Variants in IL1R2 observed in about 807,000 individuals in gnomAD.
The protein encoded by IL1R2 is interleukin 1 receptor type 2.
Under a neutral mutation model 39.5 loss-of-function variants are expected in IL1R2, and 46 were observed. The observed-to-expected ratio is 1.16, with a 90% CI of 0.92 to 1.49. The LOEUF is 1.49. Ranked by LOEUF, IL1R2 falls within the 40% of genes most tolerant of loss-of-function variation. The probability of loss-of-function intolerance (pLI) is 0.00; values close to 1 mark genes in which losing one functional copy is unlikely to be tolerated. For synonymous variants in IL1R2, 207 were observed against 189.6 expected (o/e 1.09, Z -0.75); for missense variants, 537 against 502.0 (o/e 1.07, Z -0.67).
At chr2:101,995,985 A>G (rs1675567317) in intron 1 of IL1R2, among the ~76,000 whole-genome samples, 1 of 152,200 alleles carries the variant, frequency 6.6e-6, no homozygotes, top group African/African-American at 2.4e-5. Context: ...CCGTGCTGGC[A>G]GCATGGATGA....
At chr2:102,025,886 G>A (rs935947928) in intron 7 of IL1R2, among the ~76,000 whole-genome samples, 2 of 152,090 alleles carry the variant, frequency 1.3e-5, no homozygotes, top group Non-Finnish European at 2.9e-5. Context: ...ACTGTTTGAT[G>A]CCAGTGACCG....
In IL1R2 at chr2:102,002,463, C is replaced by CTGTGTCTGTGTCTG. The variant is rs1559412539; in HGVS notation, c.-61-6049_-61-6048insGTCTGTGTCTGTGT. Among the ~76,000 whole-genome samples, 469 of 143,150 alleles carry CTGTGTCTGTGTCTG rather than the reference C, an allele frequency of 3.3e-3. 5 individuals carry two copies. The highest frequency in any genetic ancestry group is 0.012 in the African/African-American group (451 of 38,498). The allele number at this position is 143,150 out of a possible 152,430, so 93.9% of individuals were successfully genotyped here. A position where few individuals can be genotyped will look rare whatever the true frequency, so the allele number is the denominator to read the frequency against. The stretch of plus-strand genomic sequence containing the variant: ...CCTATCTGTGTCTGTGTCTATGTCT[C>CTGTGTCTGTGTCTG]TGTCTGTGTCTGTGTCTGTGTCTGT... On this transcript the variant is annotated intron_variant, in intron 1 of 8. Transcript: ENST00000332549.
At chr2:102,001,482 G>A (rs1029006915) in intron 1 of IL1R2, among the ~76,000 whole-genome samples, 2 of 152,188 alleles carry the variant, frequency 1.3e-5, no homozygotes, top group Non-Finnish European at 2.9e-5. Context: ...CCAGGACATC[G>A]CCAGCTATCA....
chr2:101,992,115 C>T (rs1407341057), intron 1 of IL1R2, 104 bp downstream of exon 1: 1 of 125,350 alleles, frequency 8.0e-6, no homozygotes, highest in Middle Eastern at 4.5e-3. Flanking sequence ...GAGAGGGAGG[C>T]AGAGAGAGAG....
Position 102,028,543 on chromosome 2 carries a change from T to A in IL1R2, c.*151T>A. 1 of 597,246 alleles carries A rather than the reference T, an allele frequency of 1.7e-6. No individual in the cohort carries two copies. The highest frequency in any genetic ancestry group is 2.7e-6 in the Non-Finnish European group (1 of 370,734). 37.0% of individuals were successfully genotyped at this position (597,246 alleles called of 1,614,324 possible). On this transcript the variant is annotated 3_prime_UTR_variant, in exon 9 of 9. Coordinates refer to ENST00000332549, the MANE Select transcript of IL1R2 (RefSeq NM_004633.4). The stretch of plus-strand genomic sequence containing the variant: ...GCTTTGTAGTAAAGGACTAAAGTCT[T>A]ACATTCTGTTTTTTTTTTCCCTAAA...
chr2:102,026,314 A>C, intron 8 of IL1R2, 61 bp downstream of exon 8: 1 of 1,244,892 alleles, frequency 8.0e-7, no homozygotes. Context: ...TTCCATGGAT[A>C]CTAGACAAAT....
rs558376800 is a variant in IL1R2 at position 102,024,743 on chromosome 2, C to T, written c.887+75C>T. 2.8e-5 allele frequency: 44 copies of T among 1,544,606 alleles called. 1 individual carries two copies. Among genetic ancestry groups the T allele is most frequent in the Admixed American group, 1.7e-4 (9 of 51,708 alleles). On this transcript the variant is annotated intron_variant, in intron 7 of 8. Coordinates refer to ENST00000332549, the MANE Select transcript of IL1R2 (RefSeq NM_004633.4). The stretch of plus-strand genomic sequence containing the variant: ...CTTTTGGAGACAGTTATCACTATGA[C>T]CCACATACCACATTAAAAGTTACTT...
chr2:102,019,579 C>T, intron 4 of IL1R2, 59 bp from the exon 5 acceptor site: 1 of 1,173,110 alleles, frequency 8.5e-7, no homozygotes, highest in Non-Finnish European at 1.2e-6. Flanking sequence ...TGATGTAATT[C>T]ATAGCCTTTG....
intron 6 of IL1R2, among the ~76,000 whole-genome samples, chr2:102,024,220 G>A (rs965931081): frequency 7.2e-5 from 11 of 152,154 alleles, no homozygotes; most frequent in African/African-American, 2.7e-4. Flanking sequence ...GGTAACTGAA[G>A]TGAGGGGCAG....
At chr2:101,993,432 G>A (rs1219358921) in intron 1 of IL1R2, among the ~76,000 whole-genome samples, 1 of 152,182 alleles carries the variant, frequency 6.6e-6, no homozygotes. Context: ...CACAGGGGAA[G>A]AAGGTCATGA....
At chr2:102,026,858 G>A (rs533711009) in intron 8 of IL1R2, among the ~76,000 whole-genome samples, 1 of 152,348 alleles carries the variant, frequency 6.6e-6, no homozygotes, top group East Asian at 1.9e-4. Flanking sequence ...TGTAGTCTCT[G>A]TTGACAGCCT....
At chr2:102,024,806 A>G in intron 7 of IL1R2, 138 bp downstream of exon 7, 2 of 1,123,738 alleles carry the variant, frequency 1.8e-6, no homozygotes, top group Admixed American at 3.4e-5. Context: ...AGAATTTAAA[A>G]AATTGTATTT....
Position 102,009,635 on chromosome 2 carries a change from C to T in IL1R2, c.141C>T (p.Ala47=). ...TCAGGCTGGAAGGGGAGCCTGTAGC[C>T]CTGAGGTGCCCCCAGGTGCCCTACT... ...REFRLEGEPV[A]LRCPQVPYWL... is the part of the protein sequence containing the mutation. Residue 47 remains alanine, a synonymous_variant, in exon 3 of 9, where the codon GCC becomes GCT. Transcript: ENST00000332549. The T allele has an allele frequency of 6.2e-7, 1 of 1,614,142 alleles. No individual in the cohort carries two copies. Among genetic ancestry groups the T allele is most frequent in the Admixed American group, 1.7e-5 (1 of 60,012 alleles).
intron 1 of IL1R2, among the ~76,000 whole-genome samples, chr2:102,002,438 CCTAT>C (rs771058722): frequency 2.6e-4 from 27 of 102,890 alleles, no homozygotes; most frequent in Non-Finnish European, 4.3e-4. Flanking sequence ...GACTTTGTCC[CCTAT>C]CTGTGTCTGT....
chr2:101,994,272 T>C (rs1402625028), intron 1 of IL1R2, among the ~76,000 whole-genome samples: 1 of 151,866 alleles, frequency 6.6e-6, no homozygotes, highest in Non-Finnish European at 1.5e-5. Flanking sequence ...CTCCAAAGCC[T>C]GTTTGACAAT....
rs1187980459 is a variant in IL1R2 at position 102,019,777 on chromosome 2, A to G, written c.653A>G (p.Tyr218Cys). The G allele has an allele frequency of 1.9e-6, 3 of 1,614,092 alleles. No individual in the cohort carries two copies. The highest frequency in any genetic ancestry group is 2.7e-5 in the African/African-American group (2 of 74,944). Residue 218 changes from tyrosine to cysteine, a missense_variant, in exon 5 of 9, where the codon TAC becomes TGC. Tyr to Cys is a radical substitution (Grantham distance 194, BLOSUM62 -2). Coordinates refer to ENST00000332549, the MANE Select transcript of IL1R2 (RefSeq NM_004633.4). ...ACATTTGCCCATGAAGGCCAGCAAT[A>G]CAACATCACTAGGAGTATTGAGCTA... ...VLTFAHEGQQ[Y>C]NITRSIELRI...
chr2:102,000,670 C>T (rs1311159366), intron 1 of IL1R2, among the ~76,000 whole-genome samples: 2 of 152,138 alleles, frequency 1.3e-5, no homozygotes, highest in Non-Finnish European at 2.9e-5. Flanking sequence ...CTTCTGGAGG[C>T]CCCTCTAGCT....
At chr2:101,999,423 C>A (rs934120764) in intron 1 of IL1R2, among the ~76,000 whole-genome samples, 5 of 152,238 alleles carry the variant, frequency 3.3e-5, no homozygotes, top group Non-Finnish European at 7.3e-5. Flanking sequence ...TCCCAGGAGA[C>A]CTCAGAAGTC....
At chr2:102,012,300 C>T (rs1676688305) in intron 3 of IL1R2, among the ~76,000 whole-genome samples, 1 of 152,212 alleles carries the variant, frequency 6.6e-6, no homozygotes, top group African/African-American at 2.4e-5. Context: ...GCACTGCTTG[C>T]TCCTTCCACC....
Sources: allele counts gnomAD v4.1 joint callset (sites outside exome capture counted in the v4.1 genomes callset), GRCh38; gene constraint gnomAD v4.1.1; transcripts MANE v1.5; gene names NCBI Gene and HGNC (gene_info 2026-07-23, HGNC 2026-07-21).